COL23A1: variants seen among roughly 807,000 people sequenced by gnomAD.
The protein encoded by COL23A1 is collagen alpha-1(XXIII) chain.
A neutral mutation model predicts 99.3 loss-of-function variants in COL23A1; 97 were observed. The observed-to-expected ratio is 0.98, with a 90% CI of 0.83 to 1.16. The LOEUF (loss-of-function observed/expected upper bound fraction) is 1.16. Among genes scored for constraint, COL23A1 ranks in the 50% most tolerant of loss-of-function variants. The pLI is 0.00. For synonymous variants in COL23A1, 320 were observed against 308.2 expected (o/e 1.04, Z -0.40); for missense variants, 762 against 757.4 (o/e 1.01, Z -0.07).
chr5:178,463,246 AT>A (rs1229097937), intron 2 of COL23A1, among the ~76,000 whole-genome samples: 1 of 152,228 alleles, frequency 6.6e-6, no homozygotes, highest in Non-Finnish European at 1.5e-5. Flanking sequence ...TAAATTAAGG[AT>A]TTCTTTCTAT....
intron 2 of COL23A1, among the ~76,000 whole-genome samples, chr5:178,325,210 T>A (rs1759578275): frequency 6.6e-6 from 1 of 152,140 alleles, no homozygotes; most frequent in Admixed American, 6.5e-5. Flanking sequence ...CCGTTTCCTC[T>A]CTTGCCTCCT....
Position 178,568,356 on chromosome 5 carries a change from A to T in COL23A1, c.295-7608T>A, listed in dbSNP as rs575953511. Among the ~76,000 whole-genome samples, 1,046 of 145,138 alleles carry T rather than the reference A, an allele frequency of 7.2e-3. 7 individuals are homozygous for T. Among genetic ancestry groups the T allele is most frequent in the Non-Finnish European group, 0.012 (784 of 66,106 alleles). Reference sequence around the variant, plus strand: ...GAAATCTAAGGTGTAATTTAGTTTTAAAAAAAAAAAGCATAATCACAAAGT... The same window carrying T: ...GAAATCTAAGGTGTAATTTAGTTTTTAAAAAAAAAAGCATAATCACAAAGT... On this transcript the variant is annotated intron_variant, in intron 1 of 28. Transcript: ENST00000390654.
chr5:178,573,356 C>T (rs1156886627), intron 1 of COL23A1, among the ~76,000 whole-genome samples: 1 of 152,236 alleles, frequency 6.6e-6, no homozygotes, highest in Non-Finnish European at 1.5e-5. Context: ...AAGCACCCAG[C>T]AGAGTCATGG....
At chr5:178,455,186 G>A (rs116056635) in intron 2 of COL23A1, among the ~76,000 whole-genome samples, 2 of 152,216 alleles carry the variant, frequency 1.3e-5, no homozygotes, top group African/African-American at 2.4e-5. Flanking sequence ...ATCTTTCCGG[G>A]GGGGACACAG....
chr5:178,263,773 T>C (rs1476592690), intron 8 of COL23A1, among the ~76,000 whole-genome samples: 2 of 152,156 alleles, frequency 1.3e-5, no homozygotes, highest in Non-Finnish European at 2.9e-5. Flanking sequence ...AGCTGCTTTA[T>C]TAGTAACAGC....
Position 178,288,250 on chromosome 5 carries a change from A to C in COL23A1, c.441+74T>G, listed in dbSNP as rs1402028425. 9.4e-6 allele frequency: 12 copies of C among 1,280,456 alleles called. No individual in the cohort carries two copies. In the East Asian group the frequency reaches 2.5e-4, roughly 27 times the overall value. 79.3% of individuals were successfully genotyped at this position (1,280,456 alleles called of 1,614,324 possible). A position where few individuals can be genotyped will look rare whatever the true frequency, so the allele number is the denominator to read the frequency against. On this transcript the variant is annotated intron_variant, in intron 5 of 28. Transcript: ENST00000390654. ...AGAGACAGGAGCGCAGACAGAGTTA[A>C]ATCAAGGCTCAGGGAAAGAATATTG...
At chr5:178,259,841 C>T in intron 11 of COL23A1, 94 bp from the exon 12 acceptor site, 2 of 1,242,908 alleles carry the variant, frequency 1.6e-6, no homozygotes, top group South Asian at 1.6e-5. Flanking sequence ...AGAAGTGGCA[C>T]TGATGACCCG....
intron 3 of COL23A1, among the ~76,000 whole-genome samples, chr5:178,296,242 G>A (rs1483230397): frequency 1.3e-5 from 2 of 152,206 alleles, no homozygotes; most frequent in African/African-American, 4.8e-5. Context: ...GGCGTGAAGT[G>A]CAGCCCAGAT....
At chr5:178,286,533 G>A (rs539405352) in intron 5 of COL23A1, among the ~76,000 whole-genome samples, 316 of 152,316 alleles carry the variant, frequency 2.1e-3, no homozygotes, top group Middle Eastern at 0.017. Context: ...CCCGGGTTTG[G>A]CCTGGCTCGC....
chr5:178,448,215 C>G (rs1767279246), intron 2 of COL23A1, among the ~76,000 whole-genome samples: 1 of 16,508 alleles, frequency 6.1e-5, no homozygotes, highest in African/African-American at 2.7e-4. Context: ...CCGTTTTGTT[C>G]TGTTAGTGCT....
In COL23A1 at chr5:178,293,791, G is replaced by A. The variant is rs1757587654; in HGVS notation, c.407-3422C>T. ...ATGGAAGGGTTGTGGGGGTCAGGAA[G>A]AGGGAATGGGCTGGAATTTGTGAAC... On this transcript the variant is annotated intron_variant, in intron 3 of 28. Transcript: ENST00000390654. Among the ~76,000 whole-genome samples, 2 of 152,104 alleles carry A rather than the reference G, an allele frequency of 1.3e-5. 1 individual carries two copies. The highest frequency in any genetic ancestry group is 2.9e-5 in the Non-Finnish European group (2 of 68,004).
At chr5:178,517,383 G>T (rs561693273) in intron 2 of COL23A1, among the ~76,000 whole-genome samples, 1 of 152,042 alleles carries the variant, frequency 6.6e-6, no homozygotes, top group African/African-American at 2.4e-5. Context: ...GTCTATACAC[G>T]GGCACTGTGG....
At chr5:178,539,545 C>CAAAA (rs58424731) in intron 2 of COL23A1, among the ~76,000 whole-genome samples, 43 of 78,338 alleles carry the variant, frequency 5.5e-4, no homozygotes, top group Non-Finnish European at 6.8e-4. Context: ...GACTCTGTCT[C>CAAAA]AAAAAAAAAA....
chr5:178,287,481 C>A (rs1757218598), intron 5 of COL23A1, among the ~76,000 whole-genome samples: 2 of 152,226 alleles, frequency 1.3e-5, no homozygotes, highest in Admixed American at 6.5e-5. Context: ...GGTCACTCAG[C>A]CGAGAGGAAG....
chr5:178,520,001 G>A (rs910430488), intron 2 of COL23A1, among the ~76,000 whole-genome samples: 2 of 152,152 alleles, frequency 1.3e-5, no homozygotes, highest in Admixed American at 1.3e-4. Flanking sequence ...ATGGAAGATG[G>A]TCAGATGGAT....
intron 1 of COL23A1, among the ~76,000 whole-genome samples, chr5:178,581,832 C>A (rs976413624): frequency 2.6e-5 from 4 of 151,942 alleles, no homozygotes; most frequent in African/African-American, 9.7e-5. Flanking sequence ...TGAGCCATCA[C>A]CTGGAAAAAT....
At chr5:178,404,700 G>A (rs1049563487) in intron 2 of COL23A1, among the ~76,000 whole-genome samples, 2 of 152,124 alleles carry the variant, frequency 1.3e-5, no homozygotes, top group African/African-American at 4.8e-5. Flanking sequence ...GTGATAACCA[G>A]ACCCCTCATG....
In COL23A1 at chr5:178,340,160, T is replaced by C. The variant is rs1760572630; in HGVS notation, c.362-33241A>G. Among the ~76,000 whole-genome samples, 1 of 152,126 alleles carries C rather than the reference T, an allele frequency of 6.6e-6. No individual in the cohort carries two copies. Among genetic ancestry groups the C allele is most frequent in the Non-Finnish European group, 1.5e-5 (1 of 68,024 alleles). On this transcript the variant is annotated intron_variant, in intron 2 of 28. Transcript: ENST00000390654. The surrounding 1 kb of genome is among the most constrained non-coding windows in gnomAD (Gnocchi z 4.7). ...GCCATGAGATGGGCATCATACTCCC[T>C]CCTCACAGCGTTCTCATGAGGAATG...
chr5:178,435,350 T>A lies in COL23A1; in HGVS notation c.361+125332A>T, dbSNP rs575153372. On this transcript the variant is annotated intron_variant, in intron 2 of 28. Transcript: ENST00000390654. ...CAAACATGGAGCTCAGGGACCACGG[T>A]GTCACCACTGGAGCCCCAAGTGATC... is the stretch of plus-strand genomic sequence containing the variant. 3.9e-5 allele frequency among the ~76,000 whole-genome samples: 6 copies of A among 152,226 alleles called. No individual in the cohort carries two copies. The East Asian group carries it at 1.2e-3, about 29-fold the overall frequency.
Sources: gnomAD v4.1 joint callset for allele counts (sites outside exome capture counted in the v4.1 genomes callset) on GRCh38, gnomAD v4.1.1 for gene constraint, Gnocchi (gnomAD v3.1) non-coding constraint, MANE v1.5 for transcripts, NCBI Gene and HGNC (gene_info 2026-07-23, HGNC 2026-07-21) for gene names.